Variants in MAPK8 observed in about 807,000 individuals in gnomAD.
MAPK8 encodes the protein mitogen-activated protein kinase 8.
In MAPK8, 13 loss-of-function variants were observed where a neutral mutation model predicts 52.9. The ratio of observed to expected loss-of-function variants is 0.25; its 90% CI spans 0.16 to 0.39. MAPK8 has a LOEUF of 0.39. Ranked by LOEUF, MAPK8 falls within the 10% of genes least tolerant of loss-of-function variation. MAPK8 has a pLI of 1.00. For synonymous variants in MAPK8, 191 were observed against 169.8 expected (o/e 1.12, Z -0.97); for missense variants, 300 against 519.2 (o/e 0.58, Z 4.10).
intron 11 of MAPK8, among the ~76,000 whole-genome samples, chr10:48,433,152 G>C (rs749389325): frequency 6.6e-6 from 1 of 152,162 alleles, no homozygotes; most frequent in Non-Finnish European, 1.5e-5. Flanking sequence ...TTACCATTCA[G>C]ATATTTGAGA....
At chr10:48,396,554 A>G (rs1312044375) in intron 1 of MAPK8, among the ~76,000 whole-genome samples, 2 of 152,204 alleles carry the variant, frequency 1.3e-5, no homozygotes, top group African/African-American at 4.8e-5. Context: ...ATAAAATTAA[A>G]CATGGAGTTA....
chr10:48,431,095 T>G lies in MAPK8; in HGVS notation c.1061-98T>G, dbSNP rs2044204915. 3 of 724,928 alleles carry G rather than the reference T, an allele frequency of 4.1e-6. No individual in the cohort carries two copies. The East Asian group carries it at 8.0e-5, about 19-fold the overall frequency. 44.9% of individuals were successfully genotyped at this position (724,928 alleles called of 1,614,324 possible). A position where few individuals can be genotyped will look rare whatever the true frequency, so the allele number is the denominator to read the frequency against. ...GTCATTGTAAGGACACTGTTTGAAG[T>G]ACTTCACATGTATAAAAATTTCCAC... On this transcript the variant is annotated intron_variant, in intron 10 of 11. Coordinates refer to ENST00000374189, the MANE Select transcript of MAPK8 (RefSeq NM_001323329.2).
At chr10:48,400,853 AGT>A (rs2042123632) in intron 1 of MAPK8, among the ~76,000 whole-genome samples, 1 of 152,230 alleles carries the variant, frequency 6.6e-6, no homozygotes, top group Non-Finnish European at 1.5e-5. Context: ...GTAGAAAAAA[AGT>A]GTCTTGATTT....
intron 1 of MAPK8, among the ~76,000 whole-genome samples, chr10:48,340,516 G>A (rs920198461): frequency 9.2e-5 from 14 of 151,682 alleles, no homozygotes; most frequent in African/African-American, 2.7e-4. Flanking sequence ...ACAAACCTGC[G>A]TATGTGCCCC....
intron 1 of MAPK8, chr10:48,308,377 T>G (rs551926589): frequency 6.6e-6 from 1 of 152,342 alleles, no homozygotes; most frequent in South Asian, 2.1e-4. Context: ...CGTAATGTTC[T>G]CCATAAAGTT....
chr10:48,308,138 C>T (rs1841589830), intron 1 of MAPK8: 1 of 152,108 alleles, frequency 6.6e-6, no homozygotes, highest in African/African-American at 2.4e-5. Context: ...CTCAGATTCC[C>T]CTGCTGTGGT....
intron 1 of MAPK8, among the ~76,000 whole-genome samples, chr10:48,357,357 G>A (rs76436775): frequency 0.023 from 3,443 of 152,204 alleles, 141 homozygotes; most frequent in African/African-American, 0.079. Flanking sequence ...GGTTTGCTAA[G>A]AATAATCAGT....
chr10:48,416,758 T>G (rs964490339), intron 5 of MAPK8, among the ~76,000 whole-genome samples: 2 of 152,190 alleles, frequency 1.3e-5, no homozygotes, highest in African/African-American at 4.8e-5. Context: ...GAGTGTCCCT[T>G]GCCGTGGGTG....
At chr10:48,363,956 T>A (rs1436890196) in intron 1 of MAPK8, among the ~76,000 whole-genome samples, 1 of 152,222 alleles carries the variant, frequency 6.6e-6, no homozygotes, top group Non-Finnish European at 1.5e-5. Flanking sequence ...TGTTTTTTGC[T>A]TTTAAGTTAT....
chr10:48,311,638 G>A (rs529664462), intron 1 of MAPK8, among the ~76,000 whole-genome samples: 4 of 152,280 alleles, frequency 2.6e-5, no homozygotes, highest in Admixed American at 6.5e-5. Flanking sequence ...TGGGATCTTC[G>A]ATTCTGTGAA....
chr10:48,357,737 A>T (rs1269567465), intron 1 of MAPK8, among the ~76,000 whole-genome samples: 2 of 152,176 alleles, frequency 1.3e-5, no homozygotes, highest in African/African-American at 4.8e-5. Flanking sequence ...AAATACACGT[A>T]ACATAAATTT....
intron 1 of MAPK8, among the ~76,000 whole-genome samples, chr10:48,389,601 A>G (rs2041513151): frequency 6.6e-6 from 1 of 152,218 alleles, no homozygotes; most frequent in African/African-American, 2.4e-5. Context: ...GAGAGGAGAA[A>G]GACAGGCAAT....
At chr10:48,422,627 G>A (rs1369052475) in intron 6 of MAPK8, among the ~76,000 whole-genome samples, 6 of 152,100 alleles carry the variant, frequency 3.9e-5, no homozygotes, top group Non-Finnish European at 8.8e-5. Context: ...TATAAAATCT[G>A]TAGAGAAGAT....
At chr10:48,405,241 A>C (rs2042399581) in intron 3 of MAPK8, among the ~76,000 whole-genome samples, 1 of 152,088 alleles carries the variant, frequency 6.6e-6, no homozygotes, top group Non-Finnish European at 1.5e-5. Context: ...TAAAAAGATA[A>C]GCGTTTGAGA....
intron 1 of MAPK8, among the ~76,000 whole-genome samples, chr10:48,334,978 C>T (rs192399756): frequency 5.9e-5 from 9 of 152,258 alleles, no homozygotes; most frequent in Non-Finnish European, 1.3e-4. Flanking sequence ...AGGTTATACC[C>T]CAGTCCCCTT....
intron 1 of MAPK8, among the ~76,000 whole-genome samples, chr10:48,349,170 A>G (rs1047481425): frequency 2.0e-5 from 3 of 152,168 alleles, no homozygotes; most frequent in Non-Finnish European, 4.4e-5. Context: ...CCCCCGTACA[A>G]TAATAGTGGG....
intron 1 of MAPK8, among the ~76,000 whole-genome samples, chr10:48,339,838 A>T (rs1209460655): frequency 6.6e-6 from 1 of 152,248 alleles, no homozygotes; most frequent in Non-Finnish European, 1.5e-5. Flanking sequence ...AATGAAATTG[A>T]AACCACAGCA....
chr10:48,394,507 T>C (rs1293147971), intron 1 of MAPK8, among the ~76,000 whole-genome samples: 5 of 151,924 alleles, frequency 3.3e-5, no homozygotes, highest in Admixed American at 3.3e-4. Flanking sequence ...ATTATTTCAG[T>C]ATATTCAGAA....
chr10:48,367,141 A>G (rs1169374967), intron 1 of MAPK8, among the ~76,000 whole-genome samples: 1 of 152,116 alleles, frequency 6.6e-6, no homozygotes. Flanking sequence ...AGGCCAAGGC[A>G]GGAGGATCAC....
Sources: gnomAD v4.1 joint callset for allele counts (sites outside exome capture counted in the v4.1 genomes callset) on GRCh38, gnomAD v4.1.1 for gene constraint, MANE v1.5 for transcripts, NCBI Gene and HGNC (gene_info 2026-07-23, HGNC 2026-07-21) for gene names.